The following CPQ variants were observed in gnomAD, a reference collection of about 807,000 sequenced individuals.
CPQ encodes carboxypeptidase Q.
Under a neutral mutation model 45.7 loss-of-function variants are expected in CPQ, and 37 were observed. The observed-to-expected ratio is 0.81, with a 90% CI of 0.62 to 1.07. The LOEUF (loss-of-function observed/expected upper bound fraction) is 1.07, where lower values mean the gene tolerates loss of function less well. Among genes scored for constraint, CPQ ranks in the 50% least tolerant of loss-of-function variants. CPQ has a pLI of 0.00. For missense variants in CPQ, 537 were observed against 572.9 expected (o/e 0.94, Z 0.64); for synonymous variants, 186 against 205.8 (o/e 0.90, Z 0.82).
intron 1 of CPQ, among the ~76,000 whole-genome samples, chr8:96,744,427 C>T (rs1221304374): frequency 6.6e-6 from 1 of 152,214 alleles, no homozygotes; most frequent in Non-Finnish European, 1.5e-5. Flanking sequence ...ATGCAGAAAT[C>T]ACCTGTCTTC....
chr8:97,039,411 TA>T (rs1810069587), intron 6 of CPQ, among the ~76,000 whole-genome samples: 1 of 152,188 alleles, frequency 6.6e-6, no homozygotes, highest in Non-Finnish European at 1.5e-5. Context: ...ATTTCTTTTT[TA>T]TTTTTTTTAA....
intron 7 of CPQ, among the ~76,000 whole-genome samples, chr8:97,080,902 A>G (rs184190333): frequency 0.019 from 1,238 of 64,468 alleles, 16 homozygotes; most frequent in South Asian, 0.065. Flanking sequence ...TATTCTTAGT[A>G]CCCACCCTTC....
At chr8:96,843,535 GT>G in intron 3 of CPQ, among the ~76,000 whole-genome samples, 1 of 152,180 alleles carries the variant, frequency 6.6e-6, no homozygotes, top group Non-Finnish European at 1.5e-5. Flanking sequence ...TGTTCAGTTT[GT>G]CCAAACTCTG....
intron 4 of CPQ, among the ~76,000 whole-genome samples, chr8:96,935,269 T>G (rs1463022244): frequency 6.6e-6 from 1 of 152,222 alleles, no homozygotes; most frequent in Non-Finnish European, 1.5e-5. Flanking sequence ...CAGGCGTATA[T>G]CCTACCATCT....
intron 2 of CPQ, among the ~76,000 whole-genome samples, chr8:96,831,006 C>T (rs1586418187): frequency 2.0e-5 from 3 of 152,180 alleles, no homozygotes; most frequent in South Asian, 2.1e-4. Flanking sequence ...TTCTTCTCTG[C>T]ACCTCAGTCT....
chr8:97,093,858 A>G (rs552165209), intron 7 of CPQ, among the ~76,000 whole-genome samples: 1 of 152,288 alleles, frequency 6.6e-6, no homozygotes, highest in South Asian at 2.1e-4. Context: ...GTCACAGCCA[A>G]TATTTATAGT....
chr8:96,816,973 G>A (rs1012259187), intron 2 of CPQ, among the ~76,000 whole-genome samples: 1 of 152,050 alleles, frequency 6.6e-6, no homozygotes, highest in Non-Finnish European at 1.5e-5. Flanking sequence ...ACTTTTAAAA[G>A]CCCTATGATT....
chr8:97,062,887 A>C (rs543958765), intron 6 of CPQ, among the ~76,000 whole-genome samples: 3 of 152,240 alleles, frequency 2.0e-5, no homozygotes, highest in African/African-American at 7.2e-5. Flanking sequence ...ATGAGCATTT[A>C]GGTTGATTCC....
chr8:96,666,231 G>A (rs1424124450), intron 1 of CPQ, among the ~76,000 whole-genome samples: 1 of 152,132 alleles, frequency 6.6e-6, no homozygotes, highest in Non-Finnish European at 1.5e-5. Flanking sequence ...ATTTGATAAG[G>A]GAGGTCATGC....
At chr8:96,764,995 C>T (rs1194969477) in intron 1 of CPQ, among the ~76,000 whole-genome samples, 6 of 152,178 alleles carry the variant, frequency 3.9e-5, no homozygotes, top group Non-Finnish European at 7.3e-5. Context: ...CCAGCCTTTG[C>T]ACCTGCCTTT....
At position 97,020,071 on chromosome 8, in the gene CPQ, G is replaced by A. The variant is rs191614148; in HGVS notation, c.962-9332G>A. Among the ~76,000 whole-genome samples, 215 of 152,176 alleles carry A rather than the reference G, an allele frequency of 1.4e-3. 1 individual carries two copies. Among genetic ancestry groups the A allele is most frequent in the Admixed American group, 0.014 (209 of 15,276 alleles). The stretch of plus-strand genomic sequence containing the variant: ...ATAAAACTGGAAATCAACTCCAGAA[G>A]GAACCTTCAAAACCAGGCAAATACA... On this transcript the variant is annotated intron_variant, in intron 5 of 7. Transcript: ENST00000220763.
At chr8:96,991,427 G>A (rs1448723664) in intron 5 of CPQ, among the ~76,000 whole-genome samples, 2 of 151,840 alleles carry the variant, frequency 1.3e-5, no homozygotes, top group Non-Finnish European at 2.9e-5. Context: ...GTGGTGGCAG[G>A]TGCCTCTTGT....
chr8:96,670,330 T>TTTTTTTA (rs1328014813), intron 1 of CPQ, among the ~76,000 whole-genome samples: 10 of 151,156 alleles, frequency 6.6e-5, no homozygotes, highest in African/African-American at 2.4e-4. Context: ...TTTTTTTTTT[T>TTTTTTTA]TTTTTTTGGC....
chr8:96,868,433 A>G (rs1157705400), intron 3 of CPQ, among the ~76,000 whole-genome samples: 1 of 152,034 alleles, frequency 6.6e-6, no homozygotes, highest in Non-Finnish European at 1.5e-5. Context: ...CTTTGCCCCT[A>G]TGCATCTGTT....
At chr8:96,918,308 G>A (rs952699615) in intron 4 of CPQ, among the ~76,000 whole-genome samples, 1 of 152,020 alleles carries the variant, frequency 6.6e-6, no homozygotes, top group African/African-American at 2.4e-5. Flanking sequence ...TGTAGGTAAG[G>A]ATTTAGCTTT....
chr8:96,768,843 A>G (rs1810501688), intron 1 of CPQ, among the ~76,000 whole-genome samples: 1 of 152,152 alleles, frequency 6.6e-6, no homozygotes, highest in African/African-American at 2.4e-5. Context: ...AAGTGAGGAA[A>G]ACTGAAAGGC....
At chr8:96,700,241 G>A (rs1809438980) in intron 1 of CPQ, among the ~76,000 whole-genome samples, 2 of 152,100 alleles carry the variant, frequency 1.3e-5, no homozygotes, top group Admixed American at 6.6e-5. Flanking sequence ...ACTCTGCCAA[G>A]GCTGATAGAC....
chr8:97,098,937 T>C (rs1304263884), intron 7 of CPQ, among the ~76,000 whole-genome samples: 1 of 152,100 alleles, frequency 6.6e-6, no homozygotes, highest in Non-Finnish European at 1.5e-5. Flanking sequence ...CACAGATATG[T>C]GTATAAAATT....
chr8:96,966,746 T>C (rs1813571756), intron 5 of CPQ, among the ~76,000 whole-genome samples: 1 of 152,258 alleles, frequency 6.6e-6, no homozygotes, highest in Non-Finnish European at 1.5e-5. Flanking sequence ...CAGGGTCATT[T>C]TGTTAAAGAA....
Sources: gnomAD v4.1 joint callset for allele counts (sites outside exome capture counted in the v4.1 genomes callset) on GRCh38, gnomAD v4.1.1 for gene constraint, MANE v1.5 for transcripts, NCBI Gene and HGNC (gene_info 2026-07-23, HGNC 2026-07-21) for gene names.